LMX1A: variants seen among roughly 807,000 people sequenced by gnomAD.
The protein encoded by LMX1A is LIM homeobox transcription factor 1 alpha, also known as LIM homeobox transcription factor 1-alpha.
Under a neutral mutation model 49.1 loss-of-function variants are expected in LMX1A, and 15 were observed. The ratio of observed to expected loss-of-function variants is 0.31; its 90% CI spans 0.20 to 0.47. The LOEUF is 0.47. LMX1A is among the 20% of genes least tolerant of loss of function. The probability of loss-of-function intolerance (pLI) is 1.00; values close to 1 mark genes in which losing one functional copy is unlikely to be tolerated. For missense variants in LMX1A, 372 were observed against 475.8 expected (o/e 0.78, Z 2.03); for synonymous variants, 167 against 185.7 (o/e 0.90, Z 0.82).
At chr1:165,207,251 G>C (rs1267931607) in intron 7 of LMX1A, among the ~76,000 whole-genome samples, 1 of 152,174 alleles carries the variant, frequency 6.6e-6, no homozygotes, top group Non-Finnish European at 1.5e-5. Flanking sequence ...GGATAGCTGA[G>C]TTGGGTGGCC....
intron 6 of LMX1A, among the ~76,000 whole-genome samples, chr1:165,209,934 T>C (rs1651296799): frequency 6.6e-6 from 1 of 152,210 alleles, no homozygotes; most frequent in South Asian, 2.1e-4. Flanking sequence ...TCTGACACTA[T>C]TTCCAGGTAG....
intron 3 of LMX1A, among the ~76,000 whole-genome samples, chr1:165,310,088 AT>A (rs1332506211): frequency 6.6e-6 from 1 of 152,210 alleles, no homozygotes; most frequent in African/African-American, 2.4e-5. Context: ...TCTCTGCTTC[AT>A]TTCACAGAGT....
chr1:165,332,680 C>T (rs546435865), intron 3 of LMX1A, among the ~76,000 whole-genome samples: 1 of 152,228 alleles, frequency 6.6e-6, no homozygotes, highest in African/African-American at 2.4e-5. Flanking sequence ...ACACATCCAC[C>T]GTTGCTTATT....
chr1:165,249,383 G>C, intron 4 of LMX1A, 25 bp downstream of exon 4: 2 of 1,561,570 alleles, frequency 1.3e-6, no homozygotes, highest in Admixed American at 1.7e-5. Flanking sequence ...CCCCACCGCA[G>C]CCCTGCCCAC....
chr1:165,249,500 A>C lies in LMX1A; in HGVS notation c.404T>G (p.Phe135Cys), dbSNP rs1652976474. ...GAGCAGCTGCCCCTCCTTCAGGACA[A>C]ACTCATCACCCTTCTGAAGCTGTCG... Reference protein sequence around the residue: ...CERQLQKGDEFVLKEGQLLCK... With the variant: ...CERQLQKGDECVLKEGQLLCK... Residue 135 changes from phenylalanine to cysteine, a missense_variant, in exon 4 of 9, where the codon TTT (phenylalanine) becomes TGT (cysteine). Phe to Cys is a radical substitution (Grantham distance 205, BLOSUM62 -2). This residue lies in a region of LMX1A where 199 missense variants were observed against 244.0 expected (regional missense o/e 0.82). Coordinates refer to ENST00000342310, the MANE Select transcript of LMX1A (RefSeq NM_177398.4). The C allele has an allele frequency of 6.2e-7, 1 of 1,614,050 alleles. No individual in the cohort carries two copies. Among genetic ancestry groups the C allele is most frequent in the Admixed American group, 1.7e-5 (1 of 60,006 alleles).
At position 165,355,473 on chromosome 1, in the gene LMX1A, T is replaced by G; in HGVS notation, c.76+11A>C. The stretch of plus-strand genomic sequence containing the variant: ...GAGAGTGCGCCCAGGACGCACGGCC[T>G]GAACACTCACCCAGCAGCGAGGAGA... On this transcript the variant is annotated intron_variant, in intron 2 of 8. Transcript: ENST00000342310. This position sits in a 1 kb window ranked among gnomAD's most constrained non-coding sequence, Gnocchi z 4.7. 1 of 1,613,634 alleles carries G rather than the reference T, an allele frequency of 6.2e-7. No homozygotes were observed.
At chr1:165,316,384 G>A (rs556206618) in intron 3 of LMX1A, among the ~76,000 whole-genome samples, 51 of 152,276 alleles carry the variant, frequency 3.3e-4, no homozygotes, top group Admixed American at 1.8e-3. Context: ...AGAGCAAAAC[G>A]CCCAGCTGCC....
intron 3 of LMX1A, among the ~76,000 whole-genome samples, chr1:165,255,972 C>CA (rs1226753422): frequency 0.019 from 2,691 of 140,454 alleles, 70 homozygotes; most frequent in African/African-American, 0.061. Flanking sequence ...AACTCCGTCT[C>CA]AAAAAAAAAA....
At chr1:165,235,740 T>C (rs1258325850) in intron 4 of LMX1A, among the ~76,000 whole-genome samples, 1 of 152,108 alleles carries the variant, frequency 6.6e-6, no homozygotes, top group African/African-American at 2.4e-5. Context: ...ACACTTTTAA[T>C]TGGAAACCGA....
chr1:165,331,911 G>A (rs976086724), intron 3 of LMX1A, among the ~76,000 whole-genome samples: 4 of 151,740 alleles, frequency 2.6e-5, no homozygotes, highest in Admixed American at 6.6e-5. Flanking sequence ...AGTGAGACAC[G>A]GTCTCGAAAA....
intron 4 of LMX1A, among the ~76,000 whole-genome samples, chr1:165,230,047 A>G (rs1276663463): frequency 2.6e-5 from 4 of 152,236 alleles, no homozygotes; most frequent in African/African-American, 9.6e-5. Flanking sequence ...AAGGAACTCC[A>G]GAGAGCATTC....
chr1:165,267,755 C>T (rs903562306), intron 3 of LMX1A, among the ~76,000 whole-genome samples: 2 of 152,134 alleles, frequency 1.3e-5, no homozygotes, highest in Admixed American at 6.5e-5. Flanking sequence ...TAATGAAACC[C>T]ACCGAAGGTT....
At chr1:165,244,798 AG>A in intron 4 of LMX1A, among the ~76,000 whole-genome samples, 1 of 152,180 alleles carries the variant, frequency 6.6e-6, no homozygotes, top group Non-Finnish European at 1.5e-5. Flanking sequence ...ACACTTCTCT[AG>A]AAGTTTGTAA....
chr1:165,308,639 T>C (rs1210339695), intron 3 of LMX1A, among the ~76,000 whole-genome samples: 1 of 152,206 alleles, frequency 6.6e-6, no homozygotes, highest in African/African-American at 2.4e-5. Flanking sequence ...ATCCCCACTT[T>C]ACAGGCAAGA....
chr1:165,207,971 A>C, intron 7 of LMX1A, 92 bp downstream of exon 7: 1 of 1,071,728 alleles, frequency 9.3e-7, no homozygotes, highest in Non-Finnish European at 1.4e-6. Flanking sequence ...CTGAGTCCAG[A>C]TATGTCATCC....
intron 4 of LMX1A, among the ~76,000 whole-genome samples, chr1:165,234,352 A>C (rs1652350902): frequency 6.6e-6 from 1 of 152,218 alleles, no homozygotes; most frequent in Non-Finnish European, 1.5e-5. Flanking sequence ...ACCTTTTCTA[A>C]ATAGTTCCAA....
chr1:165,338,486 A>G (rs1009349537), intron 3 of LMX1A, among the ~76,000 whole-genome samples: 1 of 152,222 alleles, frequency 6.6e-6, no homozygotes, highest in Admixed American at 6.5e-5. Context: ...TGGCTTTCCA[A>G]CAATCCCACT....
At chr1:165,329,054 A>G (rs1381214858) in intron 3 of LMX1A, among the ~76,000 whole-genome samples, 1 of 152,212 alleles carries the variant, frequency 6.6e-6, no homozygotes, top group Non-Finnish European at 1.5e-5. Context: ...TTATTTTAAA[A>G]AAGAGGTTTA....
At chr1:165,329,443 C>T (rs955097729) in intron 3 of LMX1A, among the ~76,000 whole-genome samples, 61 of 152,084 alleles carry the variant, frequency 4.0e-4, no homozygotes, top group African/African-American at 1.4e-3. Context: ...GTTCCCAAAA[C>T]ATGTCAGCAA....
Sources: gnomAD v4.1 joint callset for allele counts (sites outside exome capture counted in the v4.1 genomes callset) on GRCh38, gnomAD v4.1.1 for gene constraint, gnomAD v4.1.1 regional missense constraint, Gnocchi (gnomAD v3.1) non-coding constraint, MANE v1.5 for transcripts, NCBI Gene and HGNC (gene_info 2026-07-23, HGNC 2026-07-21) for gene names.